The following ZNF124 variants were observed in gnomAD, a reference collection of about 807,000 sequenced individuals.
ZNF124 encodes zinc finger protein HZF-16.
ZNF124 carries 25 observed loss-of-function variants against 26.6 expected under a neutral mutation model. That is an observed-to-expected ratio of 0.94 (90% CI 0.68 to 1.31). The LOEUF (loss-of-function observed/expected upper bound fraction) is 1.31. ZNF124 is among the 40% of genes most tolerant of loss of function. The pLI is 0.00. For synonymous variants in ZNF124, 129 were observed against 133.3 expected (o/e 0.97, Z 0.22); for missense variants, 444 against 422.2 (o/e 1.05, Z -0.45).
chr1:247,144,161 C>T (rs946715034), intron 3 of ZNF124, among the ~76,000 whole-genome samples: 6 of 152,182 alleles, frequency 3.9e-5, no homozygotes, highest in African/African-American at 1.4e-4. Context: ...CCCTTCCATT[C>T]TCCATATCTC....
At chr1:247,162,864 G>A (rs1030090184) in intron 1 of ZNF124, among the ~76,000 whole-genome samples, 19 of 151,996 alleles carry the variant, frequency 1.3e-4, no homozygotes, top group African/African-American at 4.6e-4. Context: ...CCCCACTGAT[G>A]GTATTAGATC....
chr1:247,122,106 T>C (rs149063581), exon 4 of ZNF124: 1 of 152,366 alleles, frequency 6.6e-6, no homozygotes, highest in African/African-American at 2.4e-5. Context: ...TTCATTAATA[T>C]TTAGATAGGA....
In ZNF124 at chr1:247,157,022, A is replaced by G. The variant is rs879233698; in HGVS notation, c.600T>C (p.His200=). 1.3e-5 allele frequency: 21 copies of G among 1,613,670 alleles called. No homozygotes were observed. The highest frequency in any genetic ancestry group is 1.8e-5 in the Non-Finnish European group (21 of 1,179,938). The change falls in exon 4 of 4, where the codon CAT becomes CAC. Residue 200 remains histidine (H), a synonymous_variant. Coordinates refer to ENST00000543802, the MANE Select transcript of ZNF124 (RefSeq NM_001297568.2). The stretch of plus-strand genomic sequence containing the variant: ...TACATTCATAGGGTTTCTCTCCAGT[A>G]TGAGTTCTTTCATGGTCACGAAGGT... ...SSHLRDHERT[H]TGEKPYECKH... is the part of the protein sequence containing the mutation.
In ZNF124 at chr1:247,169,601, T is replaced by C. The variant is rs559988264; in HGVS notation, c.30+2247A>G. On this transcript the variant is annotated intron_variant, in intron 1 of 3. Coordinates refer to ENST00000543802, the MANE Select transcript of ZNF124 (RefSeq NM_001297568.2). ...ATGCCCACCCTCCCCCAGAAACCTG[T>C]GCCGTGTCCCCACTGTGCCCCAAAT... is the stretch of plus-strand genomic sequence containing the variant. Among the ~76,000 whole-genome samples the C allele has an allele frequency of 6.2e-3, 918 of 148,870 alleles. 16 individuals are homozygous for C. The highest frequency in any genetic ancestry group is 7.3e-3 in the African/African-American group (301 of 41,070).
intron 3 of ZNF124, among the ~76,000 whole-genome samples, chr1:247,135,849 T>C (rs926425838): frequency 6.6e-6 from 1 of 152,208 alleles, no homozygotes; most frequent in African/African-American, 2.4e-5. Flanking sequence ...GTTAGCTTCA[T>C]TACTGGGATG....
chr1:247,154,138 A>G (rs1673023856), downstream of ZNF124, among the ~76,000 whole-genome samples: 1 of 152,190 alleles, frequency 6.6e-6, no homozygotes, highest in Admixed American at 6.5e-5. Context: ...ACACACAGAT[A>G]TAAGTTGGCT....
chr1:247,139,445 T>TATGG (rs888166985), intron 3 of ZNF124, among the ~76,000 whole-genome samples: 52 of 152,376 alleles, frequency 3.4e-4, no homozygotes, highest in African/African-American at 1.2e-3. Flanking sequence ...CTTGCCTTCT[T>TATGG]ATGGAGCTTG....
At chr1:247,124,637 C>T (rs1048710065) in intron 3 of ZNF124, among the ~76,000 whole-genome samples, 2 of 152,206 alleles carry the variant, frequency 1.3e-5, no homozygotes, top group Non-Finnish European at 2.9e-5. Flanking sequence ...AACTTTCTGT[C>T]TAATCTACTA....
intron 3 of ZNF124, among the ~76,000 whole-genome samples, chr1:247,136,661 A>G (rs902888267): frequency 2.6e-5 from 4 of 152,176 alleles, no homozygotes; most frequent in Non-Finnish European, 5.9e-5. Flanking sequence ...TTTCATGTGA[A>G]ATTGGCCAGG....
chr1:247,148,415 T>A (rs1299913571), intron 3 of ZNF124, among the ~76,000 whole-genome samples: 1 of 152,206 alleles, frequency 6.6e-6, no homozygotes, highest in East Asian at 1.9e-4. Context: ...ATGTGAACAT[T>A]CGTGGATTTT....
At chr1:247,145,373 G>A (rs973912447) in intron 3 of ZNF124, among the ~76,000 whole-genome samples, 8 of 152,130 alleles carry the variant, frequency 5.3e-5, no homozygotes, top group Admixed American at 3.3e-4. Context: ...TGGTGTGTCT[G>A]GAGTCAGTTT....
At chr1:247,125,109 CCTT>C (rs1472746404) in intron 3 of ZNF124, among the ~76,000 whole-genome samples, 7 of 152,140 alleles carry the variant, frequency 4.6e-5, no homozygotes, top group Non-Finnish European at 1.0e-4. Context: ...GGCCTTCATT[CCTT>C]CTTATGGGTG....
intron 1 of ZNF124, 141 bp from the exon 2 acceptor site, chr1:247,159,954 A>T: frequency 1.3e-6 from 1 of 789,468 alleles, no homozygotes; most frequent in East Asian, 3.6e-5. Context: ...CTCTGTCTAC[A>T]CTTCCTTTCT....
In ZNF124 at chr1:247,159,766, C is replaced by T; in HGVS notation, c.78G>A (p.Glu26=). The T allele has an allele frequency of 6.2e-7, 1 of 1,613,850 alleles. No homozygotes were observed. Among genetic ancestry groups the T allele is most frequent in the Non-Finnish European group, 8.5e-7 (1 of 1,179,948 alleles). ...EDVAVNFTQE[E]WALLDPSQKN... ...TCTGGGAAGGATCCAACAAAGCCCA[C>T]TCCTCCTGGGTGAAGTTCACAGCCA... Residue 26 remains glutamate (E), a synonymous_variant, in exon 2 of 4, where the codon GAG becomes GAA. Coordinates refer to ENST00000543802, the MANE Select transcript of ZNF124 (RefSeq NM_001297568.2).
intron 3 of ZNF124, among the ~76,000 whole-genome samples, chr1:247,133,942 G>A (rs943068381): frequency 1.3e-5 from 2 of 151,990 alleles, no homozygotes; most frequent in Middle Eastern, 3.2e-3. Flanking sequence ...CATGAGCCAC[G>A]GCGCCCAGCC....
rs151316409 is a variant in ZNF124 at position 247,168,540 on chromosome 1, AAAACAAAC to A, written c.30+3300_30+3307del. On this transcript the variant is annotated intron_variant, in intron 1 of 3. Transcript: ENST00000543802. The surrounding 1 kb of genome is among the most constrained non-coding windows in gnomAD (Gnocchi z 4.0). Reference sequence around the variant, plus strand: ...CAGAGTGAGACTCTGTCTCAATTAAAAAACAAACAAACAAAAACACTTGCACACGCATG... The same window carrying A: ...CAGAGTGAGACTCTGTCTCAATTAAAAAACAAAAACACTTGCACACGCATG... Among the ~76,000 whole-genome samples the A allele has an allele frequency of 2.0e-5, 3 of 152,196 alleles. No individual in the cohort carries two copies. Among genetic ancestry groups the A allele is most frequent in the African/African-American group, 7.2e-5 (3 of 41,430 alleles).
intron 3 of ZNF124, among the ~76,000 whole-genome samples, chr1:247,144,853 G>A (rs1320871676): frequency 1.3e-5 from 2 of 151,022 alleles, no homozygotes; most frequent in African/African-American, 4.9e-5. Flanking sequence ...TCAGCTCAAT[G>A]CAACCTCCGC....
At chr1:247,146,159 G>T (rs1672773579) in intron 3 of ZNF124, among the ~76,000 whole-genome samples, 1 of 152,220 alleles carries the variant, frequency 6.6e-6, no homozygotes, top group African/African-American at 2.4e-5. Context: ...CAGTAGCTCA[G>T]TGAACACCAT....
At chr1:247,131,958 T>A (rs745446556) in intron 3 of ZNF124, among the ~76,000 whole-genome samples, 21 of 152,190 alleles carry the variant, frequency 1.4e-4, no homozygotes, top group Non-Finnish European at 2.6e-4. Flanking sequence ...CTTTTCCCTG[T>A]GCCACCCAAC....
Sources: allele counts gnomAD v4.1 joint callset (sites outside exome capture counted in the v4.1 genomes callset), GRCh38; gene constraint gnomAD v4.1.1; non-coding constraint Gnocchi (gnomAD v3.1); transcripts MANE v1.5; gene names NCBI Gene and HGNC (gene_info 2026-07-23, HGNC 2026-07-21).